HMGA2: variants seen among roughly 807,000 people sequenced by gnomAD.
HMGA2 encodes high mobility group AT-hook 2, also known as high mobility group protein HMGI-C.
HMGA2 carries 8 observed loss-of-function variants against 19.1 expected under a neutral mutation model. The observed-to-expected ratio is 0.42, with a 90% CI of 0.25 to 0.76. HMGA2 has a LOEUF of 0.76. Ranked by LOEUF, HMGA2 falls within the 30% of genes least tolerant of loss-of-function variation. HMGA2 has a pLI of 0.28. For missense variants in HMGA2, 109 were observed against 136.3 expected (o/e 0.80, Z 1.00); for synonymous variants, 60 against 48.8 (o/e 1.23, Z -0.96).
intron 3 of HMGA2, among the ~76,000 whole-genome samples, chr12:65,944,027 T>C (rs75245458): frequency 1.7e-3 from 261 of 152,310 alleles, no homozygotes; most frequent in South Asian, 6.6e-3. Context: ...AGAGGTGTGA[T>C]TTGTATAGCT....
chr12:65,848,627 C>A (rs1291850082), intron 3 of HMGA2, among the ~76,000 whole-genome samples: 1 of 151,982 alleles, frequency 6.6e-6, no homozygotes, highest in Non-Finnish European at 1.5e-5. Context: ...GAGGCCGAGG[C>A]GGGTGGATCA....
At position 65,889,308 on chromosome 12, in the gene HMGA2, C is replaced by T. The variant is rs548473359; in HGVS notation, c.249+50739C>T. ...CTACAAATCAAACTTCAGCATACCA[C>T]GAGCTGCCAGTGTTATTTGCTATTT... is the stretch of plus-strand genomic sequence containing the variant. On this transcript the variant is annotated intron_variant, in intron 3 of 4. Coordinates refer to ENST00000403681, the MANE Select transcript of HMGA2 (RefSeq NM_003483.6). Among the ~76,000 whole-genome samples the T allele has an allele frequency of 3.3e-5, 5 of 152,264 alleles. No individual in the cohort carries two copies. The East Asian group carries it at 9.6e-4, about 29-fold the overall frequency.
chr12:65,931,070 C>G (rs954304584), intron 3 of HMGA2, among the ~76,000 whole-genome samples: 3 of 152,174 alleles, frequency 2.0e-5, no homozygotes, highest in Non-Finnish European at 4.4e-5. Context: ...GTTCAGATGG[C>G]AAATCTGCGT....
intron 4 of HMGA2, among the ~76,000 whole-genome samples, chr12:65,961,810 G>GT (rs1267931776): frequency 1.3e-5 from 2 of 151,910 alleles, no homozygotes; most frequent in South Asian, 2.1e-4. Context: ...TTCTTGTGGG[G>GT]TTTTTTTCTC....
chr12:65,909,779 A>G (rs1354024003), intron 3 of HMGA2, among the ~76,000 whole-genome samples: 1 of 152,214 alleles, frequency 6.6e-6, no homozygotes, highest in Non-Finnish European at 1.5e-5. Context: ...CTGTAAATCC[A>G]TTGAACATAG....
intron 3 of HMGA2, among the ~76,000 whole-genome samples, chr12:65,899,929 T>G (rs1874301300): frequency 6.6e-6 from 1 of 152,196 alleles, no homozygotes; most frequent in Non-Finnish European, 1.5e-5. Context: ...AGTTAGACAC[T>G]AAGGCAACTA....
chr12:65,867,415 G>A, intron 3 of HMGA2: 1 of 439,262 alleles, frequency 2.3e-6, no homozygotes, highest in Non-Finnish European at 4.6e-6. Flanking sequence ...CAGCACACTT[G>A]GAGTGTCATC....
chr12:65,953,993 A>G (rs1188565829), intron 4 of HMGA2: 1 of 152,170 alleles, frequency 6.6e-6, no homozygotes, highest in African/African-American at 2.4e-5. Context: ...GAGGTGGTAA[A>G]AATTTTAGCA....
chr12:65,966,279 T>C lies in HMGA2; in HGVS notation c.*2987T>C, dbSNP rs1238010913. On this transcript the variant is annotated 3_prime_UTR_variant, in exon 5 of 5. Transcript: ENST00000403681. ...GTTCCATTAAATGAGTAATAAAGTT[T>C]GGTCAAAACAGATCAAGGAGGGAGA... 5.4e-6 allele frequency: 1 copy of C among 186,798 alleles called. No individual in the cohort carries two copies. The highest frequency in any genetic ancestry group is 2.3e-5 in the African/African-American group (1 of 42,868). The allele number at this position is 186,798 out of a possible 1,614,324, so 11.6% of individuals were successfully genotyped here. A position where few individuals can be genotyped will look rare whatever the true frequency, so the allele number is the denominator to read the frequency against.
chr12:65,859,970 A>G (rs563933262), intron 3 of HMGA2: 16 of 425,778 alleles, frequency 3.8e-5, no homozygotes, highest in Middle Eastern at 4.0e-4. Context: ...GCACACACCT[A>G]TAGTCCCAGC....
At chr12:65,837,425 T>A (rs1182796107) in intron 2 of HMGA2, among the ~76,000 whole-genome samples, 3 of 152,168 alleles carry the variant, frequency 2.0e-5, no homozygotes, top group African/African-American at 7.2e-5. Context: ...GTGTAGACAG[T>A]CAATATCACT....
intron 2 of HMGA2, among the ~76,000 whole-genome samples, chr12:65,835,556 T>C (rs1281912577): frequency 6.6e-6 from 1 of 152,210 alleles, no homozygotes; most frequent in East Asian, 1.9e-4. Context: ...TCGTGATATT[T>C]TGCCCTTTAG....
At chr12:65,919,087 T>G (rs749615705) in intron 3 of HMGA2, among the ~76,000 whole-genome samples, 1 of 152,180 alleles carries the variant, frequency 6.6e-6, no homozygotes, top group Non-Finnish European at 1.5e-5. Context: ...TGGGCAAACA[T>G]CAGATAAGAA....
At chr12:65,870,648 G>A (rs1592404976) in intron 3 of HMGA2, among the ~76,000 whole-genome samples, 1 of 152,178 alleles carries the variant, frequency 6.6e-6, no homozygotes, top group African/African-American at 2.4e-5. Context: ...AGAATCACTT[G>A]AACCCACGAG....
intron 3 of HMGA2, among the ~76,000 whole-genome samples, chr12:65,861,390 CA>C (rs1156959870): frequency 6.6e-6 from 1 of 151,372 alleles, no homozygotes; most frequent in Non-Finnish European, 1.5e-5. Context: ...CAAAACAAAA[CA>C]AAAAAAGGTA....
chr12:65,864,537 G>A (rs1489908640), intron 3 of HMGA2, among the ~76,000 whole-genome samples: 1 of 152,080 alleles, frequency 6.6e-6, no homozygotes, highest in African/African-American at 2.4e-5. Context: ...CTTGCATTTG[G>A]CAGAGAACAC....
chr12:65,863,215 G>A (rs1872203713), intron 3 of HMGA2, among the ~76,000 whole-genome samples: 1 of 152,202 alleles, frequency 6.6e-6, no homozygotes, highest in Non-Finnish European at 1.5e-5. Context: ...AAAAGTTAAG[G>A]TTTTGTTGTG....
intron 3 of HMGA2, among the ~76,000 whole-genome samples, chr12:65,938,639 C>T (rs957767935): frequency 6.6e-5 from 10 of 151,930 alleles, no homozygotes; most frequent in East Asian, 1.9e-4. Context: ...CCCATGACAA[C>T]GTTTTTTTTT....
chr12:65,877,622 T>A (rs1327493520), intron 3 of HMGA2, among the ~76,000 whole-genome samples: 3 of 152,140 alleles, frequency 2.0e-5, no homozygotes, highest in Non-Finnish European at 4.4e-5. Flanking sequence ...GCCCCATGCT[T>A]CACTTAGTAT....
Sources: gnomAD v4.1 joint callset for allele counts (sites outside exome capture counted in the v4.1 genomes callset) on GRCh38, gnomAD v4.1.1 for gene constraint, MANE v1.5 for transcripts, NCBI Gene and HGNC (gene_info 2026-07-23, HGNC 2026-07-21) for gene names.